The following CEP85L variants were observed in gnomAD, a reference collection of about 807,000 sequenced individuals.
CEP85L encodes centrosomal protein 85L.
In CEP85L, 60 loss-of-function variants were observed where a neutral mutation model predicts 100.3. That is an observed-to-expected ratio of 0.60 (90% CI 0.49 to 0.74). CEP85L has a LOEUF of 0.74. Among genes scored for constraint, CEP85L ranks in the 30% least tolerant of loss-of-function variants. The pLI is 0.00. For missense variants in CEP85L, 973 were observed against 936.2 expected (o/e 1.04, Z -0.51); for synonymous variants, 319 against 322.7 (o/e 0.99, Z 0.12).
chr6:118,522,678 G>A (rs1776732799), intron 4 of CEP85L, among the ~76,000 whole-genome samples: 1 of 152,118 alleles, frequency 6.6e-6, no homozygotes, highest in South Asian at 2.1e-4. Flanking sequence ...AGGAGTTCAA[G>A]ACAATACTGG....
chr6:118,599,791 A>G (rs542195235), intron 2 of CEP85L, among the ~76,000 whole-genome samples: 1 of 152,328 alleles, frequency 6.6e-6, no homozygotes, highest in African/African-American at 2.4e-5. Flanking sequence ...AAAACTTACA[A>G]CCACAGTCTA....
At chr6:118,548,052 AG>A (rs1328582252) in intron 3 of CEP85L, among the ~76,000 whole-genome samples, 3 of 152,108 alleles carry the variant, frequency 2.0e-5, no homozygotes, top group African/African-American at 7.2e-5. Flanking sequence ...CTTTAACAAA[AG>A]CTTTCCACCA....
In CEP85L at chr6:118,632,493, T is replaced by C; in HGVS notation, c.192A>G (p.Gly64=). 6.2e-7 allele frequency: 1 copy of C among 1,610,930 alleles called. No individual in the cohort carries two copies. The highest frequency in any genetic ancestry group is 8.5e-7 in the Non-Finnish European group (1 of 1,178,600). ...AACAGGAAGTTCCAATGCCAGTGTC[T>C]CCACTGTCAGAAGCTATACTGTGTC... is the stretch of plus-strand genomic sequence containing the variant. ...IRRHSIASDS[G]DTGIGTSCSD... is the part of the protein sequence containing the mutation. The change falls in exon 2 of 13, where the codon GGA becomes GGG. Residue 64 remains glycine, a synonymous_variant. Coordinates refer to ENST00000368491, the MANE Select transcript of CEP85L (RefSeq NM_001042475.3).
intron 3 of CEP85L, among the ~76,000 whole-genome samples, chr6:118,540,178 G>GT (rs1243370948): frequency 6.6e-6 from 1 of 151,402 alleles, no homozygotes; most frequent in Non-Finnish European, 1.5e-5. Flanking sequence ...AAATCCAAAA[G>GT]TATTTCCAAC....
chr6:118,510,581 C>A lies in CEP85L; in HGVS notation c.1257+717G>T, dbSNP rs138956591. 1.9e-3 allele frequency among the ~76,000 whole-genome samples: 287 copies of A among 152,174 alleles called. 4 individuals carry two copies. The highest frequency in any genetic ancestry group is 9.3e-3 in the East Asian group (48 of 5,182). On this transcript the variant is annotated intron_variant, in intron 5 of 12. Transcript: ENST00000368491. The stretch of plus-strand genomic sequence containing the variant: ...GGGCAAAAATCCAAGTTTAATAACA[C>A]ACTCTGTTAGCATGGCTGGGAGTTG...
intron 2 of CEP85L, among the ~76,000 whole-genome samples, chr6:118,616,556 G>C (rs995738928): frequency 1.3e-5 from 2 of 151,148 alleles, no homozygotes; most frequent in Non-Finnish European, 2.9e-5. Context: ...AAAAAACAGG[G>C]AGTATGGGAG....
chr6:118,547,881 G>A (rs2114913014), intron 3 of CEP85L, among the ~76,000 whole-genome samples: 1 of 152,148 alleles, frequency 6.6e-6, no homozygotes, highest in East Asian at 1.9e-4. Context: ...ACATTATGAA[G>A]ACACGTATTA....
At chr6:118,527,371 A>T (rs1777039415) in intron 3 of CEP85L, among the ~76,000 whole-genome samples, 1 of 152,062 alleles carries the variant, frequency 6.6e-6, no homozygotes, top group South Asian at 2.1e-4. Context: ...GCACAAAGCC[A>T]AGAACCCATG....
At chr6:118,542,610 G>A (rs1777957514) in intron 3 of CEP85L, among the ~76,000 whole-genome samples, 1 of 151,944 alleles carries the variant, frequency 6.6e-6, no homozygotes, top group Non-Finnish European at 1.5e-5. Context: ...GAAAATCATA[G>A]AGTAAGGTAG....
At chr6:118,674,037 A>G (rs1471872364) in intron 1 of CEP85L, among the ~76,000 whole-genome samples, 1 of 152,232 alleles carries the variant, frequency 6.6e-6, no homozygotes, top group Non-Finnish European at 1.5e-5. Context: ...GCCTAATTGT[A>G]AGAGCTAAAA....
chr6:118,660,877 CTTTTTTTCTTT>C (rs1227324255), intron 1 of CEP85L, among the ~76,000 whole-genome samples: 12 of 73,922 alleles, frequency 1.6e-4, no homozygotes, highest in African/African-American at 5.0e-4. Flanking sequence ...TCAGAATTTT[CTTTTTTTCTTT>C]TTTTTTTCTT....
intron 1 of CEP85L, among the ~76,000 whole-genome samples, chr6:118,691,637 G>A (rs1455576837): frequency 6.6e-6 from 1 of 151,714 alleles, no homozygotes; most frequent in Non-Finnish European, 1.5e-5. Flanking sequence ...TACTTGGGAG[G>A]GTGAGGCAGG....
chr6:118,691,487 C>T (rs373615701), intron 1 of CEP85L, among the ~76,000 whole-genome samples: 28 of 149,064 alleles, frequency 1.9e-4, no homozygotes, highest in African/African-American at 6.5e-4. Flanking sequence ...GAGCCAAGAT[C>T]GCAGCATTGC....
intron 3 of CEP85L, among the ~76,000 whole-genome samples, chr6:118,525,268 C>A (rs566425309): frequency 3.9e-5 from 6 of 152,240 alleles, no homozygotes; most frequent in African/African-American, 1.2e-4. Flanking sequence ...ACGGTAGAAA[C>A]TAACATGGCA....
At chr6:118,587,013 A>T (rs1002706805) in intron 2 of CEP85L, among the ~76,000 whole-genome samples, 3 of 152,198 alleles carry the variant, frequency 2.0e-5, no homozygotes, top group Admixed American at 2.0e-4. Context: ...ATCTGTTAGA[A>T]CTCTTTATTG....
At chr6:118,549,151 T>G (rs767043846) in intron 3 of CEP85L, among the ~76,000 whole-genome samples, 1 of 151,918 alleles carries the variant, frequency 6.6e-6, no homozygotes, top group Non-Finnish European at 1.5e-5. Context: ...AAAAGTTATT[T>G]TGACACACGA....
intron 1 of CEP85L, among the ~76,000 whole-genome samples, chr6:118,708,447 C>G (rs148034402): frequency 9.8e-5 from 15 of 152,322 alleles, no homozygotes; most frequent in Non-Finnish European, 1.3e-4. Context: ...AACCCATAAA[C>G]TTTTCACGAA....
chr6:118,515,427 A>T (rs1290074493), intron 4 of CEP85L, among the ~76,000 whole-genome samples: 1 of 152,206 alleles, frequency 6.6e-6, no homozygotes, highest in African/African-American at 2.4e-5. Context: ...AAAAGACAAA[A>T]GCAGCAGAAT....
intron 5 of CEP85L, among the ~76,000 whole-genome samples, chr6:118,503,766 T>C (rs2114677929): frequency 6.7e-6 from 1 of 149,530 alleles, no homozygotes; most frequent in Middle Eastern, 3.4e-3. Context: ...GACACAGACC[T>C]TATATTTTTT....
Sources: gnomAD v4.1 joint callset for allele counts (sites outside exome capture counted in the v4.1 genomes callset) on GRCh38, gnomAD v4.1.1 for gene constraint, MANE v1.5 for transcripts, NCBI Gene and HGNC (gene_info 2026-07-23, HGNC 2026-07-21) for gene names.